Variants in EVC2 observed in about 807,000 individuals in gnomAD.
EVC2 encodes the protein EvC ciliary complex subunit 2.
In EVC2, 148 loss-of-function variants were observed where a neutral mutation model predicts 149.3. The ratio of observed to expected loss-of-function variants is 0.99; its 90% CI spans 0.87 to 1.14. EVC2 has a LOEUF of 1.14. Ranked by LOEUF, EVC2 falls within the 50% of genes most tolerant of loss-of-function variation. The pLI is 0.00. For missense variants in EVC2, 1,854 were observed against 1,627.3 expected (o/e 1.14, Z -2.40); for synonymous variants, 776 against 649.9 (o/e 1.19, Z -2.95).
intron 1 of EVC2, among the ~76,000 whole-genome samples, chr4:5,704,037 G>C (rs1721989307): frequency 6.6e-6 from 1 of 152,140 alleles, no homozygotes; most frequent in Admixed American, 6.5e-5. Flanking sequence ...TGCCTGAGCA[G>C]GGCGAGTGAG....
At chr4:5,702,786 C>T (rs1385802592) in intron 1 of EVC2, among the ~76,000 whole-genome samples, 1 of 152,194 alleles carries the variant, frequency 6.6e-6, no homozygotes, top group African/African-American at 2.4e-5. Context: ...TAGACACCGA[C>T]AGCAAGTGCT....
rs912898518 is a variant in EVC2, at chr4:5,679,383, G to T, written c.870+1877C>A. On this transcript the variant is annotated intron_variant, in intron 7 of 21. Transcript: ENST00000344408. The surrounding 1 kb of genome is among the most constrained non-coding windows in gnomAD (Gnocchi z 5.1). ...CCCGAGTAGCTGGAATCACAGACAC[G>T]CACCACCATGCTCAGCTAATTTTTT... Among the ~76,000 whole-genome samples the T allele has an allele frequency of 2.6e-5, 4 of 152,096 alleles. No homozygotes were observed. Among genetic ancestry groups the T allele is most frequent in the African/African-American group, 9.6e-5 (4 of 41,514 alleles).
chr4:5,558,029 A>G (rs1411444931), downstream of EVC2, among the ~76,000 whole-genome samples: 2 of 152,202 alleles, frequency 1.3e-5, no homozygotes, highest in Non-Finnish European at 2.9e-5. Flanking sequence ...TATCAATCAA[A>G]ATTCTAGCAA....
At chr4:5,598,712 G>C (rs1298908847) in intron 16 of EVC2, among the ~76,000 whole-genome samples, 2 of 152,108 alleles carry the variant, frequency 1.3e-5, no homozygotes, top group African/African-American at 4.8e-5. Context: ...AGCCAAAATT[G>C]ACAAATGGGA....
At chr4:5,632,708 C>T (rs2108852742) in intron 10 of EVC2, among the ~76,000 whole-genome samples, 1 of 152,220 alleles carries the variant, frequency 6.6e-6, no homozygotes, top group Non-Finnish European at 1.5e-5. Flanking sequence ...GCTTGGATGC[C>T]TGCATAGTAT....
chr4:5,702,965 A>C (rs1721918133), intron 1 of EVC2, among the ~76,000 whole-genome samples: 1 of 152,260 alleles, frequency 6.6e-6, no homozygotes, highest in African/African-American at 2.4e-5. Flanking sequence ...ATTTACCAAC[A>C]GAGTAAATAC....
chr4:5,579,989 C>G (rs1355843154), intron 17 of EVC2, among the ~76,000 whole-genome samples: 1 of 152,214 alleles, frequency 6.6e-6, no homozygotes. Context: ...TTAAATTTGC[C>G]TATCATTGTC....
chr4:5,703,900 CA>C (rs1721979695), intron 1 of EVC2, among the ~76,000 whole-genome samples: 1 of 151,958 alleles, frequency 6.6e-6, no homozygotes, highest in Admixed American at 6.6e-5. Context: ...AAGGCTTTAA[CA>C]GGGTGACAGA....
chr4:5,659,028 C>T (rs1718712708), intron 9 of EVC2, among the ~76,000 whole-genome samples: 1 of 152,126 alleles, frequency 6.6e-6, no homozygotes, highest in South Asian at 2.1e-4. Flanking sequence ...ATATTCCTTC[C>T]TCAAATCCTC....
intron 12 of EVC2, among the ~76,000 whole-genome samples, chr4:5,626,377 A>T (rs1577176082): frequency 7.5e-6 from 1 of 134,102 alleles, no homozygotes; most frequent in South Asian, 2.4e-4. Context: ...TCTGTTGCCC[A>T]GGCTGGAGTG....
chr4:5,688,648 C>G (rs540244587), intron 5 of EVC2, among the ~76,000 whole-genome samples: 1 of 152,152 alleles, frequency 6.6e-6, no homozygotes, highest in Non-Finnish European at 1.5e-5. Context: ...ACAAGCCAAC[C>G]AAGCAGCCCT....
chr4:5,708,321 C>T lies in EVC2; in HGVS notation c.193G>A (p.Gly65Arg). 1 of 1,465,140 alleles carries T rather than the reference C, an allele frequency of 6.8e-7. No homozygotes were observed. The highest frequency in any genetic ancestry group is 9.0e-7 in the Non-Finnish European group (1 of 1,114,150). 90.8% of individuals were successfully genotyped at this position (1,465,140 alleles called of 1,614,324 possible). ...RSGPGLRIPP[G>R]RSGAGPESST... ...CTCTCGGGCCCCGCCCCGCTCCGCCCCGGAGGGATCCTCAGGCCGGGCCCA... is the reference window on the plus strand; with the variant it reads ...CTCTCGGGCCCCGCCCCGCTCCGCCTCGGAGGGATCCTCAGGCCGGGCCCA... Residue 65 changes from glycine to arginine, a missense_variant, in exon 1 of 22, where the codon GGG (glycine) becomes AGG (arginine). Gly to Arg is a moderately radical substitution (Grantham distance 125). Transcript: ENST00000344408.
At position 5,697,592 on chromosome 4, in the gene EVC2, C is replaced by G; in HGVS notation, c.283+1G>C. 1.9e-6 allele frequency: 3 copies of G among 1,614,140 alleles called. No individual in the cohort carries two copies. Among genetic ancestry groups the G allele is most frequent in the Non-Finnish European group, 2.5e-6 (3 of 1,179,994 alleles). On this transcript the variant is annotated splice_donor_variant, in intron 2 of 21. Transcript: ENST00000344408. LOFTEE classifies it high-confidence loss of function. Reference sequence around the variant, plus strand: ...GAACATCAACCAGAAGAAAAACTCACCTGCAGTCTTAAAGTGACAGCATTC... The same window carrying G: ...GAACATCAACCAGAAGAAAAACTCAGCTGCAGTCTTAAAGTGACAGCATTC...
At chr4:5,531,376 C>G in the EVC2 span, among the ~76,000 whole-genome samples, 3 of 152,308 alleles carry the variant, frequency 2.0e-5, no homozygotes, top group East Asian at 3.9e-4. Flanking sequence ...AGCACATCCT[C>G]CTATGTACTT....
chr4:5,557,139 T>C (rs746598572), intron 21 of EVC2, among the ~76,000 whole-genome samples: 9 of 152,066 alleles, frequency 5.9e-5, no homozygotes, highest in Non-Finnish European at 1.0e-4. Context: ...ACTAGAGACC[T>C]ATATCTCACA....
At chr4:5,658,762 T>A (rs957885889) in intron 9 of EVC2, among the ~76,000 whole-genome samples, 2 of 152,220 alleles carry the variant, frequency 1.3e-5, no homozygotes, top group Non-Finnish European at 2.9e-5. Flanking sequence ...CAATAAATCT[T>A]TCTGAACCCC....
At chr4:5,651,449 T>C (rs1718140992) in intron 9 of EVC2, among the ~76,000 whole-genome samples, 1 of 151,616 alleles carries the variant, frequency 6.6e-6, no homozygotes, top group African/African-American at 2.4e-5. Flanking sequence ...AGTAGGTGTA[T>C]GGGTGCATGG....
At chr4:5,612,922 CAAAAAAAAAAAAAAA>C (rs34505528) in intron 16 of EVC2, among the ~76,000 whole-genome samples, 1 of 26,800 alleles carries the variant, frequency 3.7e-5, no homozygotes, top group Non-Finnish European at 6.8e-5. Context: ...ACTCTGTCTC[CAAAAAAAAAAAAAAA>C]AAAAAAAAAA....
intron 21 of EVC2, among the ~76,000 whole-genome samples, chr4:5,564,817 A>C (rs1377114652): frequency 6.6e-6 from 1 of 152,176 alleles, no homozygotes; most frequent in East Asian, 1.9e-4. Context: ...AAGAAAATAA[A>C]GGGGGCAGTG....
Sources: gnomAD v4.1 joint callset for allele counts (sites outside exome capture counted in the v4.1 genomes callset) on GRCh38, gnomAD v4.1.1 for gene constraint, Gnocchi (gnomAD v3.1) non-coding constraint, MANE v1.5 for transcripts, NCBI Gene and HGNC (gene_info 2026-07-23, HGNC 2026-07-21) for gene names.